Variants in TIAM1 observed in about 807,000 individuals in gnomAD.
TIAM1 encodes the protein rho guanine nucleotide exchange factor TIAM1.
TIAM1 carries 65 observed loss-of-function variants against 163.5 expected under a neutral mutation model. That is an observed-to-expected ratio of 0.40 (90% CI 0.33 to 0.49). The LOEUF is 0.49. Ranked by LOEUF, TIAM1 falls within the 20% of genes least tolerant of loss-of-function variation. TIAM1 has a pLI of 0.77. For synonymous variants in TIAM1, 833 were observed against 810.1 expected, an observed-to-expected ratio of 1.03 and a Z score of -0.48; for missense variants, 1,789 against 2,044.7, an observed-to-expected ratio of 0.87 and a Z score of 2.41.
chr21:31,180,208 CT>C, intron 15 of TIAM1, among the ~76,000 whole-genome samples: 1 of 152,086 alleles, frequency 6.6e-6, no homozygotes, highest in African/African-American at 2.4e-5. Context: ...GCCCGGTAGA[CT>C]TTTTTTAAAA....
chr21:31,174,054 C>G (rs771949632), intron 15 of TIAM1, among the ~76,000 whole-genome samples: 4 of 152,150 alleles, frequency 2.6e-5, no homozygotes, highest in Admixed American at 1.3e-4. Flanking sequence ...CATGTGCTGC[C>G]GGGTATCTGT....
At chr21:31,538,691 T>A (rs756808352) in intron 1 of TIAM1, among the ~76,000 whole-genome samples, 1 of 152,210 alleles carries the variant, frequency 6.6e-6, no homozygotes, top group Admixed American at 6.5e-5. Flanking sequence ...AAAAGAAATA[T>A]GGACATGACA....
At chr21:31,224,387 T>C (rs1569060200) in intron 7 of TIAM1, among the ~76,000 whole-genome samples, 1 of 152,202 alleles carries the variant, frequency 6.6e-6, no homozygotes, top group Admixed American at 6.5e-5. Flanking sequence ...AACCATGGTG[T>C]ATACGTACAA....
chr21:31,368,601 C>T (rs116501048), intron 2 of TIAM1, among the ~76,000 whole-genome samples: 1 of 152,280 alleles, frequency 6.6e-6, no homozygotes, highest in African/African-American at 2.4e-5. Flanking sequence ...GTACAGGCTT[C>T]AAATAGATGC....
Position 31,167,088 on chromosome 21 carries a change from C to CTTT in TIAM1, c.2888-2026_2888-2024dup, listed in dbSNP as rs72031739. Reference sequence around the variant, plus strand: ...GTGGGAAAGCAAATAAAAGGATTTCCTTTTTTTTTTTTTTTTTTTTGAGAT... The same window carrying CTTT: ...GTGGGAAAGCAAATAAAAGGATTTCCTTTTTTTTTTTTTTTTTTTTTTTGAGAT... On this transcript the variant is annotated intron_variant, in intron 15 of 27. Transcript: ENST00000541036. Among the ~76,000 whole-genome samples the CTTT allele has an allele frequency of 1.2e-3, 145 of 125,092 alleles. 8 individuals carry two copies. Among genetic ancestry groups the CTTT allele is most frequent in the East Asian group, 4.2e-3 (18 of 4,244 alleles). The allele number at this position is 125,092 out of a possible 152,430, so 82.1% of individuals were successfully genotyped here. A position where few individuals can be genotyped will look rare whatever the true frequency, so the allele number is the denominator to read the frequency against.
At chr21:31,477,498 G>T (rs114959924) in intron 1 of TIAM1, among the ~76,000 whole-genome samples, 1 of 136,628 alleles carries the variant, frequency 7.3e-6, no homozygotes, top group African/African-American at 2.7e-5. Flanking sequence ...TTTTTGAGAC[G>T]GAATCTGGCT....
At chr21:31,443,140 A>G (rs917600838) in intron 2 of TIAM1, among the ~76,000 whole-genome samples, 4 of 152,348 alleles carry the variant, frequency 2.6e-5, no homozygotes, top group African/African-American at 4.8e-5. Flanking sequence ...CTGAAAAAAC[A>G]AAGGGAAAAG....
At chr21:31,227,087 G>A (rs1023446292) in intron 6 of TIAM1, among the ~76,000 whole-genome samples, 1 of 151,444 alleles carries the variant, frequency 6.6e-6, no homozygotes, top group Non-Finnish European at 1.5e-5. Context: ...CTCCCGAGTA[G>A]CTGGGACTAC....
chr21:31,461,566 A>G (rs1172921643), intron 2 of TIAM1, among the ~76,000 whole-genome samples: 3 of 152,224 alleles, frequency 2.0e-5, no homozygotes, highest in Non-Finnish European at 4.4e-5. Context: ...AAAGGACACC[A>G]TTATTTAGTG....
At chr21:31,467,989 G>A (rs886558639) in intron 1 of TIAM1, among the ~76,000 whole-genome samples, 1 of 151,656 alleles carries the variant, frequency 6.6e-6, no homozygotes, top group Non-Finnish European at 1.5e-5. Context: ...AGGAGACTGA[G>A]GCAGGAGAAT....
At chr21:31,307,955 G>A (rs2074779952) in intron 2 of TIAM1, among the ~76,000 whole-genome samples, 1 of 152,138 alleles carries the variant, frequency 6.6e-6, no homozygotes, top group Admixed American at 6.5e-5. Context: ...ACAATGGGCT[G>A]GGTGCGGCAG....
At chr21:31,155,591 A>G (rs929634686) in intron 16 of TIAM1, among the ~76,000 whole-genome samples, 40 of 151,500 alleles carry the variant, frequency 2.6e-4, no homozygotes, top group East Asian at 5.9e-4. Flanking sequence ...AGCAAGCTCC[A>G]CCTTCCGGGT....
chr21:31,152,549 C>T (rs763789784), intron 19 of TIAM1, 87 bp downstream of exon 19: 92 of 1,553,110 alleles, frequency 5.9e-5, no homozygotes, highest in Non-Finnish European at 7.6e-5. Flanking sequence ...CCACTGTGGC[C>T]CTCCAATGAA....
chr21:31,144,212 A>G (rs1236787460), intron 20 of TIAM1, among the ~76,000 whole-genome samples: 3 of 152,210 alleles, frequency 2.0e-5, no homozygotes, highest in African/African-American at 7.2e-5. Context: ...GACTGGCCCC[A>G]TGTGACAGGA....
At chr21:31,305,292 A>G (rs1419824025) in intron 2 of TIAM1, among the ~76,000 whole-genome samples, 4 of 152,214 alleles carry the variant, frequency 2.6e-5, no homozygotes, top group Non-Finnish European at 5.9e-5. Context: ...AACCATATAG[A>G]AAATTAGATG....
chr21:31,545,094 A>G (rs2048446140), intron 1 of TIAM1, among the ~76,000 whole-genome samples: 2 of 152,242 alleles, frequency 1.3e-5, no homozygotes, highest in African/African-American at 2.4e-5. Context: ...TTGCAGATAT[A>G]ATCAAGTTAA....
At chr21:31,196,598 G>A (rs2085872949) in intron 12 of TIAM1, among the ~76,000 whole-genome samples, 1 of 151,668 alleles carries the variant, frequency 6.6e-6, no homozygotes, top group Non-Finnish European at 1.5e-5. Flanking sequence ...GGAATTACAG[G>A]CATGAGCCAC....
Position 31,251,829 on chromosome 21 carries a change from C to T in TIAM1, c.1324G>A (p.Val442Ile), listed in dbSNP as rs2071823682. Residue 442 changes from valine (V) to isoleucine (I), a missense_variant, in exon 5 of 28, where the codon GTC becomes ATC. Physicochemically the swap from Val to Ile is conservative, Grantham distance 29 (BLOSUM62 3). Around this residue, in one of 5 missense-constraint regions of TIAM1, gnomAD observed 456 missense variants for 586.6 expected, o/e 0.78. Coordinates refer to ENST00000541036, the MANE Select transcript of TIAM1 (RefSeq NM_001353694.2). ...GTVRKAGALA[V>I]KNFLVHKKNK... ...TTCTTGTGCACCAGGAAGTTCTTGA[C>T]GGCCAGGGCGCCGGCCTTGCGCACC... The T allele has an allele frequency of 8.1e-6, 13 of 1,613,584 alleles. No homozygotes were observed. In the East Asian group the frequency reaches 1.1e-4, roughly 14 times the overall value.
chr21:31,420,978 C>T (rs1375733977), intron 2 of TIAM1, among the ~76,000 whole-genome samples: 7 of 151,574 alleles, frequency 4.6e-5, no homozygotes, highest in Non-Finnish European at 8.8e-5. Flanking sequence ...AAAAATTAGC[C>T]GGGTATGGTG....
Sources: allele counts gnomAD v4.1 joint callset (sites outside exome capture counted in the v4.1 genomes callset), GRCh38; gene constraint gnomAD v4.1.1; regional missense constraint gnomAD v4.1.1; transcripts MANE v1.5; gene names NCBI Gene and HGNC (gene_info 2026-07-23, HGNC 2026-07-21).